Variants in TMEM41A observed in about 807,000 individuals in gnomAD.
TMEM41A encodes the protein transmembrane protein 41A.
Under a neutral mutation model 25.7 loss-of-function variants are expected in TMEM41A, and 20 were observed. That is an observed-to-expected ratio of 0.78 (90% confidence interval 0.55 to 1.13). The LOEUF is 1.13. TMEM41A is among the 50% of genes most tolerant of loss of function. The pLI is 0.00. For synonymous variants in TMEM41A, 133 were observed against 139.6 expected (o/e 0.95, Z 0.33); for missense variants, 299 against 314.3 (o/e 0.95, Z 0.37).
intron 4 of TMEM41A, chr3:185,493,994 A>T (rs1033043399): frequency 6.6e-6 from 1 of 152,344 alleles, no homozygotes; most frequent in Admixed American, 6.5e-5. Context: ...GTAGGTCTGG[A>T]GTAGGCCCCA....
At chr3:185,497,066 A>T (rs1719125664) in intron 1 of TMEM41A, 85 bp from the exon 2 acceptor site, 2 of 1,478,696 alleles carry the variant, frequency 1.4e-6, no homozygotes, top group Admixed American at 2.1e-5. Context: ...TTCTTTTCAG[A>T]GTAGGTTTAT....
intron 3 of TMEM41A, 57 bp downstream of exon 3, chr3:185,495,097 C>A: frequency 1.3e-6 from 2 of 1,591,706 alleles, no homozygotes; most frequent in South Asian, 1.1e-5. Context: ...TCTCTCAAGG[C>A]CATGCACGTA....
chr3:185,496,925 C>G lies in TMEM41A; in HGVS notation c.176G>C (p.Arg59Pro), dbSNP rs1201361382. The change falls in exon 2 of 5, where the codon CGA (arginine) becomes CCA (proline). Residue 59 changes from arginine (R) to proline (P), a missense_variant. Coordinates refer to ENST00000421852, the MANE Select transcript of TMEM41A (RefSeq NM_080652.4). ...GGCCTGGTGCTCCTTCCGGTACTCT[C>G]GAAGGACCTCAGAGAGCTCCCGCAG... is the stretch of plus-strand genomic sequence containing the variant. ...AELRELSEVL[R>P]EYRKEHQAYV... The G allele has an allele frequency of 6.2e-6, 10 of 1,602,614 alleles. No individual in the cohort carries two copies. Among genetic ancestry groups the G allele is most frequent in the Non-Finnish European group, 8.5e-6 (10 of 1,175,900 alleles).
rs372298444 is a variant in TMEM41A, at chr3:185,496,917, G to A, written c.184C>T (p.Arg62Trp). The A allele has an allele frequency of 3.1e-6, 5 of 1,603,632 alleles. No individual in the cohort carries two copies. Among genetic ancestry groups the A allele is most frequent in the Admixed American group, 1.7e-5 (1 of 57,912 alleles). Residue 62 changes from arginine to tryptophan, a missense_variant, in exon 2 of 5, where the codon CGG becomes TGG. Coordinates refer to ENST00000421852, the MANE Select transcript of TMEM41A (RefSeq NM_080652.4). ...AACACGTAGGCCTGGTGCTCCTTCCGGTACTCTCGAAGGACCTCAGAGAGC... is the reference window on the plus strand; with the variant it reads ...AACACGTAGGCCTGGTGCTCCTTCCAGTACTCTCGAAGGACCTCAGAGAGC... The part of the protein sequence containing the change: ...RELSEVLREY[R>W]KEHQAYVFLL...
At position 185,498,967 on chromosome 3, in the gene TMEM41A, C is replaced by T. The variant is rs1719196660; in HGVS notation, c.-6G>A. On this transcript the variant is annotated 5_prime_UTR_variant, in exon 1 of 5. Transcript: ENST00000421852. ...AGGCCGAGAAGCGGGCGCATGTCGG[C>T]TCCGCACCCCGGCCCGCGGGGCAGC... 1.9e-6 allele frequency: 3 copies of T among 1,592,204 alleles called. No homozygotes were observed. The highest frequency in any genetic ancestry group is 3.5e-5 in the Admixed American group (2 of 57,398).
At chr3:185,493,672 G>A (rs140145131) in intron 4 of TMEM41A, 1 of 152,224 alleles carries the variant, frequency 6.6e-6, no homozygotes, top group Non-Finnish European at 1.5e-5. Flanking sequence ...CTCCCAAGTA[G>A]TTGAATTACA....
chr3:185,496,978 C>G lies in TMEM41A; in HGVS notation c.123G>C (p.Ser41=). The G allele has an allele frequency of 1.3e-6, 2 of 1,593,036 alleles. No homozygotes were observed. The highest frequency in any genetic ancestry group is 1.7e-6 in the Non-Finnish European group (2 of 1,171,428). ...CTGCCAGGTCGGAGGGGAACCACAG[C>G]GACCTGGGGATTTGGAAAAGCAGAT... ...LGSTEEAGGR[S]LWFPSDLAEL... is the part of the protein sequence containing the mutation. Residue 41 remains serine, a synonymous_variant, in exon 2 of 5, where the codon TCG becomes TCC. Transcript: ENST00000421852.
rs564928633 is a variant in TMEM41A, at chr3:185,496,964, G to A, written c.137C>T (p.Ser46Phe). 1.3e-6 allele frequency: 2 copies of A among 1,597,570 alleles called. No homozygotes were observed. The highest frequency in any genetic ancestry group is 4.5e-5 in the East Asian group (2 of 44,418). The change falls in exon 2 of 5, where the codon TCC becomes TTC. Residue 46 changes from serine to phenylalanine, a missense_variant. Coordinates refer to ENST00000421852, the MANE Select transcript of TMEM41A (RefSeq NM_080652.4). ...EAGGRSLWFP[S>F]DLAELRELSE... ...GAGCTCCCGCAGCTCTGCCAGGTCG[G>A]AGGGGAACCACAGCGACCTGGGGAT... is the stretch of plus-strand genomic sequence containing the variant.
intron 1 of TMEM41A, among the ~76,000 whole-genome samples, 162 bp from the exon 2 acceptor site, chr3:185,497,143 G>A (rs750963341): frequency 6.6e-6 from 1 of 152,172 alleles, no homozygotes; most frequent in Non-Finnish European, 1.5e-5. Context: ...CTGATACGAC[G>A]TTGCGGAGAC....
chr3:185,491,906 TC>T, intron 4 of TMEM41A, 149 bp from the exon 5 acceptor site: 1 of 584,388 alleles, frequency 1.7e-6, no homozygotes, highest in African/African-American at 1.9e-5. Flanking sequence ...CTTCTTTCCT[TC>T]TTTTCTATTA....
At chr3:185,494,795 A>G (rs1476370109) in intron 3 of TMEM41A, 34 bp from the exon 4 acceptor site, 3 of 1,579,306 alleles carry the variant, frequency 1.9e-6, no homozygotes, top group African/African-American at 2.7e-5. Flanking sequence ...GTTAAGAAGC[A>G]GAAAGGGTCT....
In TMEM41A at chr3:185,494,604, T is replaced by C. The variant is rs1405527845; in HGVS notation, c.574+19A>G. On this transcript the variant is annotated intron_variant, in intron 4 of 4. Transcript: ENST00000421852. Reference sequence around the variant, plus strand: ...CGTGACAGCTCTGAAGACTCAAACCTACCCCACTAGCATCTTACCGATAAG... The same window carrying C: ...CGTGACAGCTCTGAAGACTCAAACCCACCCCACTAGCATCTTACCGATAAG... The C allele has an allele frequency of 5.7e-6, 9 of 1,572,464 alleles. No homozygotes were observed. Among genetic ancestry groups the C allele is most frequent in the Non-Finnish European group, 7.7e-6 (9 of 1,162,084 alleles).
chr3:185,494,750 G>A lies in TMEM41A; in HGVS notation c.447C>T (p.Asn149=), dbSNP rs1181653518. 3.1e-6 allele frequency: 5 copies of A among 1,609,510 alleles called. No homozygotes were observed. Among genetic ancestry groups the A allele is most frequent in the Middle Eastern group, 1.7e-4 (1 of 6,054 alleles). ...VALLQRKVEE[N]RNSLFFFLLF... ...ATAAGAAAAAAAACAAGCTGTTTCT[G>A]TTCTCCTCCACCTGTAGCCAAAGAG... Residue 149 remains asparagine (N), a synonymous_variant, in exon 4 of 5, where the codon AAC becomes AAT. Coordinates refer to ENST00000421852, the MANE Select transcript of TMEM41A (RefSeq NM_080652.4).
rs1055515178 is a variant in TMEM41A, at chr3:185,491,139, A to C, written c.*398T>G. The C allele has an allele frequency of 1.1e-5, 2 of 176,110 alleles. No individual in the cohort carries two copies. Among genetic ancestry groups the C allele is most frequent in the Non-Finnish European group, 1.2e-5 (1 of 83,206 alleles). 10.9% of individuals were successfully genotyped at this position (176,110 alleles called of 1,614,324 possible). A position where few individuals can be genotyped will look rare whatever the true frequency, so the allele number is the denominator to read the frequency against. ...CAGCCTCCCGAGTAGCTGGGATTAC[A>C]GGTGCCTGCCACCACGCCTGGCTAA... On this transcript the variant is annotated 3_prime_UTR_variant, in exon 5 of 5. Transcript: ENST00000421852.
In TMEM41A at chr3:185,491,524, C is replaced by A. The variant is rs773013425; in HGVS notation, c.*13G>T. 2.5e-6 allele frequency: 4 copies of A among 1,607,378 alleles called. No individual in the cohort carries two copies. In the African/African-American group the frequency reaches 5.3e-5, roughly 21 times the overall value. ...CAACTGAGTCCAGGGATGTGGCAAA[C>A]AGAAAATCCAGATCATGTGTCTTTT... On this transcript the variant is annotated 3_prime_UTR_variant, in exon 5 of 5. Coordinates refer to ENST00000421852, the MANE Select transcript of TMEM41A (RefSeq NM_080652.4).
At position 185,498,982 on chromosome 3, in the gene TMEM41A, C is replaced by G. The variant is rs1245692031; in HGVS notation, c.-21G>C. ...CGCATGTCGGCTCCGCACCCCGGCCCGCGGGGCAGCCGAGAAGCTCACTTG... is the reference window on the plus strand; with the variant it reads ...CGCATGTCGGCTCCGCACCCCGGCCGGCGGGGCAGCCGAGAAGCTCACTTG... On this transcript the variant is annotated 5_prime_UTR_variant, in exon 1 of 5. Transcript: ENST00000421852. 1.3e-6 allele frequency: 2 copies of G among 1,580,240 alleles called. No homozygotes were observed. The highest frequency in any genetic ancestry group is 1.4e-5 in the African/African-American group (1 of 73,864).
At chr3:185,492,892 G>A (rs1015073065) in intron 4 of TMEM41A, 2 of 152,194 alleles carry the variant, frequency 1.3e-5, no homozygotes. Context: ...TAGGTAATTA[G>A]AAGCAGCAAA....
At position 185,491,700 on chromosome 3, in the gene TMEM41A, G is replaced by A; in HGVS notation, c.632C>T (p.Thr211Ile). 6.2e-7 allele frequency: 1 copy of A among 1,614,224 alleles called. No homozygotes were observed. The highest frequency in any genetic ancestry group is 8.5e-7 in the Non-Finnish European group (1 of 1,180,042). Reference protein sequence around the residue: ...VQTGSILSTLTSLDALFSWDT... With the variant: ...VQTGSILSTLISLDALFSWDT... ...CCAGGAGAAAAGAGCATCCAGAGAGGTTAGGGTTGACAGGATGGACCCTGT... is the reference window on the plus strand; with the variant it reads ...CCAGGAGAAAAGAGCATCCAGAGAGATTAGGGTTGACAGGATGGACCCTGT... The change falls in exon 5 of 5, where the codon ACC (threonine) becomes ATC (isoleucine). Residue 211 changes from threonine (T) to isoleucine (I), a missense_variant. Transcript: ENST00000421852.
At chr3:185,494,839 G>C in intron 3 of TMEM41A, 78 bp from the exon 4 acceptor site, 1 of 1,459,980 alleles carries the variant, frequency 6.8e-7, no homozygotes, top group Middle Eastern at 1.8e-4. Context: ...GCCAGGCACT[G>C]TTCTAGACAC....
Sources: allele counts gnomAD v4.1 joint callset (sites outside exome capture counted in the v4.1 genomes callset), GRCh38; gene constraint gnomAD v4.1.1; transcripts MANE v1.5; gene names NCBI Gene and HGNC (gene_info 2026-07-23, HGNC 2026-07-21).